Variants in HP observed in about 807,000 individuals in gnomAD.
HP encodes the protein haptoglobin alpha(1S)-beta.
In HP, 9 loss-of-function variants were observed where a neutral mutation model predicts 23.2. That is an observed-to-expected ratio of 0.39 (90% CI 0.23 to 0.68). The LOEUF is 0.68. HP is among the 30% of genes least tolerant of loss of function. The pLI, the probability that HP is intolerant of heterozygous loss-of-function variation, is 0.47. For synonymous variants in HP, 155 were observed against 183.3 expected, an observed-to-expected ratio of 0.85 and a Z score of 1.25; for missense variants, 433 against 483.6, an observed-to-expected ratio of 0.90 and a Z score of 0.98.
intron 3 of HP, chr16:72,057,151 C>T: frequency 1.7e-6 from 1 of 574,932 alleles, no homozygotes; most frequent in East Asian, 3.2e-5. Flanking sequence ...CCTCCCTGTA[C>T]TGCTTGGCTG....
At chr16:72,054,909 AG>A in intron 1 of HP, 1 of 716,262 alleles carries the variant, frequency 1.4e-6, no homozygotes, top group South Asian at 1.9e-5. Flanking sequence ...TTGACTTTAT[AG>A]GGTATGTCAT....
At chr16:72,054,763 G>A (rs2041432388) in intron 1 of HP, 106 bp downstream of exon 1, 1 of 1,585,242 alleles carries the variant, frequency 6.3e-7, no homozygotes, top group Non-Finnish European at 8.6e-7. Flanking sequence ...CGGGCAAATG[G>A]GCTAAATTAT....
intron 3 of HP, chr16:72,056,886 C>G (rs113760890): frequency 0.59 from 224,734 of 379,506 alleles, 69,277 homozygotes; most frequent in African/African-American, 0.75. Context: ...CTCAGAGTCA[C>G]ATTTACATCT....
At chr16:72,056,655 A>G (rs768070047) in intron 3 of HP, 24 bp downstream of exon 3, 4 of 901,658 alleles carry the variant, frequency 4.4e-6, no homozygotes, top group Non-Finnish European at 6.6e-6. Context: ...AACTGTCTCC[A>G]TGCCCTACAT....
intron 5 of HP, 78 bp from the exon 6 acceptor site, chr16:72,059,036 C>T: frequency 7.2e-7 from 1 of 1,385,430 alleles, no homozygotes; most frequent in East Asian, 2.3e-5. Flanking sequence ...TTTAGTTCTT[C>T]TCTTTAAATG....
At chr16:72,059,982 G>T in intron 6 of HP, 130 bp from the exon 7 acceptor site, 1 of 1,502,758 alleles carries the variant, frequency 6.7e-7, no homozygotes, top group Non-Finnish European at 8.9e-7. Context: ...AGATCAGCAG[G>T]TGGTAAGGGC....
intron 1 of HP, chr16:72,055,837 A>C (rs1406016333): frequency 1.0e-5 from 4 of 385,492 alleles, no homozygotes; most frequent in Admixed American, 7.1e-5. Context: ...ACTTTCCTGA[A>C]TGCAGCCAGA....
intron 5 of HP, chr16:72,058,730 T>A: frequency 3.1e-6 from 1 of 323,962 alleles, no homozygotes; most frequent in East Asian, 5.3e-5. Flanking sequence ...GCTCACTTAG[T>A]CCTCACAGTA....
At chr16:72,059,382 G>C (rs1333687834) in intron 6 of HP, 194 bp downstream of exon 6, 2 of 764,952 alleles carry the variant, frequency 2.6e-6, no homozygotes, top group Non-Finnish European at 4.2e-6. Flanking sequence ...TTGTTCATTA[G>C]GGCCTGAAGG....
In HP at chr16:72,060,702, A is replaced by G. The variant is rs1241868978; in HGVS notation, c.1033A>G (p.Lys345Glu). The change falls in exon 7 of 7, where the codon AAG (lysine) becomes GAG (glutamate). Residue 345 changes from lysine (K) to glutamate (E), a missense_variant. Physicochemically the swap from Lys to Glu is moderately conservative, Grantham distance 56. Around this residue, in one of 3 missense-constraint regions of HP, gnomAD observed 326 missense variants for 358.1 expected, o/e 0.91. Transcript: ENST00000355906. ...NEHTFCAGMS[K>E]YQEDTCYGDA... The stretch of plus-strand genomic sequence containing the variant: ...ACACACCTTCTGTGCTGGCATGTCT[A>G]AGTACCAAGAAGACACCTGCTATGG... 1 of 1,614,016 alleles carries G rather than the reference A, an allele frequency of 6.2e-7. No individual in the cohort carries two copies. Among genetic ancestry groups the G allele is most frequent in the East Asian group, 2.2e-5 (1 of 44,858 alleles).
intron 6 of HP, 152 bp from the exon 7 acceptor site, chr16:72,059,960 C>G (rs960771290): frequency 4.2e-6 from 6 of 1,440,082 alleles, no homozygotes; most frequent in Non-Finnish European, 5.5e-6. Flanking sequence ...AAAACTGCAA[C>G]TATTGGAAAT....
chr16:72,060,710 A>G lies in HP; in HGVS notation c.1041A>G (p.Gln347=), dbSNP rs754752258. ...TCTGTGCTGGCATGTCTAAGTACCA[A>G]GAAGACACCTGCTATGGCGATGCGG... ...HTFCAGMSKY[Q]EDTCYGDAGS... is the part of the protein sequence containing the mutation. The change falls in exon 7 of 7, where the codon CAA becomes CAG. Residue 347 remains glutamine (Q), a synonymous_variant. Transcript: ENST00000355906. The G allele has an allele frequency of 1.0e-4, 168 of 1,614,020 alleles. 1 individual carries two copies. Among genetic ancestry groups the G allele is most frequent in the Middle Eastern group, 6.6e-4 (4 of 6,062 alleles).
intron 2 of HP, 94 bp downstream of exon 2, chr16:72,056,337 G>A (rs1455324017): frequency 3.2e-6 from 5 of 1,562,604 alleles, no homozygotes; most frequent in African/African-American, 2.7e-5. Context: ...TTCTTATCTC[G>A]ACCTCTGGGC....
At chr16:72,059,395 A>T (rs1272541714) in intron 6 of HP, 7 of 726,646 alleles carry the variant, frequency 9.6e-6, no homozygotes, top group Non-Finnish European at 1.6e-5. Context: ...CCTGAAGGGC[A>T]CTGGCTGAAT....
chr16:72,056,279 T>C, intron 2 of HP, 36 bp downstream of exon 2: 4 of 1,596,096 alleles, frequency 2.5e-6, no homozygotes, highest in Non-Finnish European at 3.4e-6. Flanking sequence ...TGCATCCCAC[T>C]CTGACCCTCT....
At chr16:72,057,521 G>A (rs1247584145) in intron 4 of HP, 55 bp downstream of exon 4, 1 of 689,732 alleles carries the variant, frequency 1.4e-6, no homozygotes, top group Non-Finnish European at 2.4e-6. Context: ...AGCGGGGAAC[G>A]TCCTAGAGGC....
At position 72,060,412 on chromosome 16, in the gene HP, G is replaced by C. The variant is rs184640315; in HGVS notation, c.743G>C (p.Gly248Ala). The change falls in exon 7 of 7, where the codon GGG becomes GCG. Residue 248 changes from glycine to alanine, a missense_variant. Coordinates refer to ENST00000355906, the MANE Select transcript of HP (RefSeq NM_005143.5). Reference protein sequence around the residue: ...LHPNYSQVDIGLIKLKQKVSV... With the variant: ...LHPNYSQVDIALIKLKQKVSV... ...CCTAACTACTCCCAGGTAGATATTGGGCTCATCAAACTCAAACAGAAGGTG... is the reference window on the plus strand; with the variant it reads ...CCTAACTACTCCCAGGTAGATATTGCGCTCATCAAACTCAAACAGAAGGTG... The C allele has an allele frequency of 7.4e-6, 12 of 1,614,114 alleles. No individual in the cohort carries two copies. The African/African-American group carries it at 9.3e-5, about 13-fold the overall frequency.
intron 4 of HP, chr16:72,057,873 G>C (rs2041482569): frequency 5.9e-6 from 2 of 339,064 alleles, no homozygotes; most frequent in Non-Finnish European, 1.1e-5. Flanking sequence ...CTCGTTATTA[G>C]GAGGAGCTGT....
At position 72,056,232 on chromosome 16, in the gene HP, C is replaced by T. The variant is rs367969618; in HGVS notation, c.77C>T (p.Thr26Met). ...LFAVDSGNDV[T>M]DIADDGCPKP... ...GCAGTGGACTCAGGCAATGATGTCA[C>T]GGATATCGCAGGTCAGTCTTTGGTT... Residue 26 changes from threonine to methionine, a missense_variant, in exon 2 of 7, where the codon ACG becomes ATG. Physicochemically the swap from Thr to Met is moderately conservative, Grantham distance 81. Transcript: ENST00000355906. The T allele has an allele frequency of 6.6e-5, 107 of 1,613,760 alleles. No homozygotes were observed. Among genetic ancestry groups the T allele is most frequent in the Middle Eastern group, 1.6e-4 (1 of 6,084 alleles).
Sources: gnomAD v4.1 joint callset for allele counts on GRCh38, gnomAD v4.1.1 for gene constraint, gnomAD v4.1.1 regional missense constraint, MANE v1.5 for transcripts, NCBI Gene and HGNC (gene_info 2026-07-23, HGNC 2026-07-21) for gene names.